The following DSCAML1 variants were observed in gnomAD, a reference collection of about 807,000 sequenced individuals.
DSCAML1 encodes DS cell adhesion molecule like 1, also known as cell adhesion molecule DSCAML1.
Under a neutral mutation model 200.5 loss-of-function variants are expected in DSCAML1, and 38 were observed. That is an observed-to-expected ratio of 0.19 (90% CI 0.15 to 0.25). DSCAML1 has a LOEUF of 0.25. Among genes scored for constraint, DSCAML1 ranks in the 10% least tolerant of loss-of-function variants. The pLI is 1.00. For missense variants in DSCAML1, 2,223 were observed against 2,858.8 expected (o/e 0.78, Z 5.07); for synonymous variants, 1,215 against 1,165.0 (o/e 1.04, Z -0.87).
intron 1 of DSCAML1, among the ~76,000 whole-genome samples, chr11:117,791,458 C>T (rs984059141): frequency 1.3e-5 from 2 of 152,348 alleles, no homozygotes; most frequent in African/African-American, 2.4e-5. Context: ...TCTGGCCAAC[C>T]GTGGTAGAGA....
At chr11:117,601,304 T>C (rs4938418) in intron 3 of DSCAML1, among the ~76,000 whole-genome samples, 5,988 of 152,094 alleles carry the variant, frequency 0.039, 212 homozygotes, top group African/African-American at 0.09. Flanking sequence ...GGATCATGAA[T>C]CCTTTGCGGG....
chr11:117,795,385 G>C (rs919916338), intron 1 of DSCAML1, among the ~76,000 whole-genome samples: 2 of 152,190 alleles, frequency 1.3e-5, no homozygotes, highest in African/African-American at 4.8e-5. Context: ...TGTAATTAAA[G>C]CTGCGAGCCG....
intron 3 of DSCAML1, among the ~76,000 whole-genome samples, chr11:117,697,388 TCTC>T (rs2053601433): frequency 6.6e-6 from 1 of 152,180 alleles, no homozygotes; most frequent in Non-Finnish European, 1.5e-5. Context: ...GTCTCTTTCT[TCTC>T]TTATGGTAGT....
chr11:117,458,611 A>G, intron 19 of DSCAML1, 143 bp downstream of exon 19: 1 of 1,108,660 alleles, frequency 9.0e-7, no homozygotes, highest in East Asian at 2.6e-5. Flanking sequence ...CATTTCCCTC[A>G]AGAGTCCTCA....
Position 117,504,140 on chromosome 11 carries a change from G to A in DSCAML1, c.2183-119C>T. The A allele has an allele frequency of 8.2e-7, 1 of 1,219,688 alleles. No homozygotes were observed. Among genetic ancestry groups the A allele is most frequent in the Non-Finnish European group, 1.1e-6 (1 of 874,302 alleles). The allele number at this position is 1,219,688 out of a possible 1,614,324, so 75.6% of individuals were successfully genotyped here. A position where few individuals can be genotyped will look rare whatever the true frequency, so the allele number is the denominator to read the frequency against. On this transcript the variant is annotated intron_variant, in intron 10 of 32. Coordinates refer to ENST00000651296, the MANE Select transcript of DSCAML1 (RefSeq NM_020693.4). This position sits in a 1 kb window ranked among gnomAD's most constrained non-coding sequence, Gnocchi z 5.0. The stretch of plus-strand genomic sequence containing the variant: ...TCTAGGGCCATTTTGTAGCAGAGCT[G>A]CACCATCCCCAAAGTGCTGAGGCCA...
intron 19 of DSCAML1, 79 bp from the exon 20 acceptor site, chr11:117,450,767 G>T: frequency 6.6e-7 from 1 of 1,516,762 alleles, no homozygotes. Flanking sequence ...TTGGGAGAGG[G>T]AGGCAGATCA....
At chr11:117,739,065 C>T (rs1444670147) in intron 3 of DSCAML1, among the ~76,000 whole-genome samples, 2 of 152,212 alleles carry the variant, frequency 1.3e-5, no homozygotes, top group Admixed American at 1.3e-4. Flanking sequence ...CACATATTGT[C>T]TAATCTGATC....
chr11:117,563,683 G>C (rs2137420425), intron 3 of DSCAML1, among the ~76,000 whole-genome samples: 1 of 152,266 alleles, frequency 6.6e-6, no homozygotes, highest in East Asian at 1.9e-4. Flanking sequence ...AAGTGGTGGG[G>C]AGAAGACGAG....
intron 4 of DSCAML1, among the ~76,000 whole-genome samples, chr11:117,527,635 G>A (rs775256779): frequency 5.3e-5 from 8 of 152,198 alleles, no homozygotes; most frequent in Admixed American, 1.3e-4. Context: ...ATCACAACAT[G>A]GAGCTAAGAT....
At chr11:117,761,450 G>T (rs1191802027) in intron 3 of DSCAML1, among the ~76,000 whole-genome samples, 2 of 152,236 alleles carry the variant, frequency 1.3e-5, no homozygotes, top group African/African-American at 4.8e-5. Flanking sequence ...CAGATGTGAT[G>T]GCCTAGAGAC....
chr11:117,529,404 A>T (rs2050034283), intron 4 of DSCAML1, among the ~76,000 whole-genome samples: 1 of 152,210 alleles, frequency 6.6e-6, no homozygotes, highest in African/African-American at 2.4e-5. Flanking sequence ...ATTCTGTTTC[A>T]TTCTCATGGC....
intron 3 of DSCAML1, among the ~76,000 whole-genome samples, chr11:117,754,012 A>C (rs1377941145): frequency 6.6e-6 from 1 of 152,158 alleles, no homozygotes; most frequent in Non-Finnish European, 1.5e-5. Flanking sequence ...GAAGGGAGCA[A>C]ATAGGGCCAC....
chr11:117,446,185 G>A (rs1209162445), intron 20 of DSCAML1, among the ~76,000 whole-genome samples: 1 of 152,176 alleles, frequency 6.6e-6, no homozygotes, highest in African/African-American at 2.4e-5. Context: ...CTAACATGGT[G>A]AAATCCCCTC....
At chr11:117,603,080 G>A (rs947304343) in intron 3 of DSCAML1, among the ~76,000 whole-genome samples, 8 of 152,130 alleles carry the variant, frequency 5.3e-5, no homozygotes, top group Admixed American at 3.3e-4. Context: ...CGAGGACAAA[G>A]TGAGACCCTG....
chr11:117,680,084 G>A (rs2053285775), intron 3 of DSCAML1, among the ~76,000 whole-genome samples: 1 of 152,292 alleles, frequency 6.6e-6, no homozygotes, highest in Admixed American at 6.5e-5. Context: ...TGAAGATAAT[G>A]CCTTCTCTAA....
intron 3 of DSCAML1, among the ~76,000 whole-genome samples, chr11:117,760,705 G>C (rs529197908): frequency 2.6e-5 from 4 of 152,270 alleles, no homozygotes; most frequent in African/African-American, 9.6e-5. Flanking sequence ...TTTCTTTAAG[G>C]AATTTAAATT....
At chr11:117,430,290 T>C (rs958435763) in intron 32 of DSCAML1, among the ~76,000 whole-genome samples, 1 of 152,186 alleles carries the variant, frequency 6.6e-6, no homozygotes, top group African/African-American at 2.4e-5. Flanking sequence ...TCAAACAGCA[T>C]TGAGACCAGA....
At chr11:117,454,924 C>T (rs1376303681) in intron 19 of DSCAML1, among the ~76,000 whole-genome samples, 1 of 152,158 alleles carries the variant, frequency 6.6e-6, no homozygotes, top group East Asian at 1.9e-4. Flanking sequence ...ACCAGACAGA[C>T]CCCCACATCC....
At chr11:117,649,595 C>T (rs186943039) in intron 3 of DSCAML1, among the ~76,000 whole-genome samples, 3 of 152,278 alleles carry the variant, frequency 2.0e-5, no homozygotes, top group Admixed American at 1.3e-4. Flanking sequence ...TGTGACCCCA[C>T]CACTCTTCTT....
Sources: allele counts gnomAD v4.1 joint callset (sites outside exome capture counted in the v4.1 genomes callset), GRCh38; gene constraint gnomAD v4.1.1; non-coding constraint Gnocchi (gnomAD v3.1); transcripts MANE v1.5; gene names NCBI Gene and HGNC (gene_info 2026-07-23, HGNC 2026-07-21).